The following PLCG2 variants were observed in gnomAD, a reference collection of about 807,000 sequenced individuals.
PLCG2 encodes the protein phospholipase C gamma 2, also known as 1-phosphatidylinositol 4,5-bisphosphate phosphodiesterase gamma-2.
In PLCG2, 69 loss-of-function variants were observed where a neutral mutation model predicts 175.6. The ratio of observed to expected loss-of-function variants is 0.39; its 90% confidence interval spans 0.32 to 0.48. The LOEUF (loss-of-function observed/expected upper bound fraction) is 0.48. Ranked by LOEUF, PLCG2 falls within the 20% of genes least tolerant of loss-of-function variation. PLCG2 has a pLI of 0.91. For missense variants in PLCG2, 1,798 were observed against 1,650.9 expected, an observed-to-expected ratio of 1.09 and a Z score of -1.54; for synonymous variants, 827 against 624.0, an observed-to-expected ratio of 1.33 and a Z score of -4.85.
intron 2 of PLCG2, among the ~76,000 whole-genome samples, chr16:81,824,445 T>C (rs991270674): frequency 6.6e-6 from 1 of 152,180 alleles, no homozygotes; most frequent in African/African-American, 2.4e-5. Context: ...CAGCCACTTA[T>C]TTTCTTGTGA....
At position 81,883,357 on chromosome 16, in the gene PLCG2, G is replaced by A; in HGVS notation, c.765+16G>A. 1.9e-6 allele frequency: 3 copies of A among 1,609,228 alleles called. No homozygotes were observed. The highest frequency in any genetic ancestry group is 1.1e-5 in the South Asian group (1 of 91,012). On this transcript the variant is annotated intron_variant, in intron 9 of 32. Transcript: ENST00000564138. ...TGAACAGCAGGTGAGAGCACAAGGTGTGTGGGTGCCTGAGGGAGCTGGCGG... is the reference window on the plus strand; with the variant it reads ...TGAACAGCAGGTGAGAGCACAAGGTATGTGGGTGCCTGAGGGAGCTGGCGG...
chr16:81,960,538 T>C lies in PLCG2; in HGVS notation c.*2540T>C, dbSNP rs1911744093. The C allele has an allele frequency of 4.3e-6, 1 of 231,656 alleles. No homozygotes were observed. Among genetic ancestry groups the C allele is most frequent in the East Asian group, 6.1e-5 (1 of 16,336 alleles). The allele number at this position is 231,656 out of a possible 1,614,324, so 14.4% of individuals were successfully genotyped here. A position where few individuals can be genotyped will look rare whatever the true frequency, so the allele number is the denominator to read the frequency against. ...TTGTGAGTTTGGGAAACTTAGGTTATAAAAACTAAATAAAGTTTTTCTACT... is the reference window on the plus strand; with the variant it reads ...TTGTGAGTTTGGGAAACTTAGGTTACAAAAACTAAATAAAGTTTTTCTACT... On this transcript the variant is annotated 3_prime_UTR_variant, in exon 33 of 33. Transcript: ENST00000564138.
At chr16:81,872,276 CGAGATTGCACT>C (rs1567509067) in intron 7 of PLCG2, among the ~76,000 whole-genome samples, 27 of 152,082 alleles carry the variant, frequency 1.8e-4, no homozygotes, top group Non-Finnish European at 4.4e-5. Context: ...TGCAGTGAGC[CGAGATTGCACT>C]ACTGCACTCC....
intron 2 of PLCG2, among the ~76,000 whole-genome samples, chr16:81,798,263 G>T (rs1597324366): frequency 6.6e-6 from 1 of 152,204 alleles, no homozygotes; most frequent in Non-Finnish European, 1.5e-5. Context: ...TCCCAGCCAT[G>T]CTGCCATATG....
chr16:81,751,328 A>G (rs923690556), intron 1 of PLCG2, among the ~76,000 whole-genome samples: 1 of 152,206 alleles, frequency 6.6e-6, no homozygotes, highest in Non-Finnish European at 1.5e-5. Context: ...TTGCGACAAC[A>G]TGGATAAAGA....
chr16:81,857,679 C>A (rs1161219457), intron 3 of PLCG2, among the ~76,000 whole-genome samples: 1 of 152,132 alleles, frequency 6.6e-6, no homozygotes, highest in Admixed American at 6.5e-5. Context: ...TCATGGAGGC[C>A]CCACTCTCAT....
upstream of PLCG2, among the ~76,000 whole-genome samples, chr16:81,777,168 A>G (rs923726194): frequency 6.6e-6 from 1 of 152,144 alleles, no homozygotes; most frequent in Non-Finnish European, 1.5e-5. Flanking sequence ...CTTGCTTCCC[A>G]CAGATGAGAG....
intron 18 of PLCG2, among the ~76,000 whole-genome samples, chr16:81,911,229 C>G (rs1909607578): frequency 6.6e-6 from 1 of 152,148 alleles, no homozygotes; most frequent in African/African-American, 2.4e-5. Context: ...TTACTTATAG[C>G]AACTTTTTTT....
In PLCG2 at chr16:81,919,496, G is replaced by A. The variant is rs1369861469; in HGVS notation, c.2067G>A (p.Lys689=). ...SYAITFRARG[K]VKHCRINRDG... Reference sequence around the variant, plus strand: ...CTTCCTGCTCCAGGGCTAGGGGCAAGGTAAAGCATTGTCGCATCAACCGGG... The same window carrying A: ...CTTCCTGCTCCAGGGCTAGGGGCAAAGTAAAGCATTGTCGCATCAACCGGG... Residue 689 remains lysine (K), a synonymous_variant, in exon 20 of 33, where the codon AAG becomes AAA. Transcript: ENST00000564138. 3 of 1,613,816 alleles carry A rather than the reference G, an allele frequency of 1.9e-6. No individual in the cohort carries two copies. Among genetic ancestry groups the A allele is most frequent in the Admixed American group, 3.3e-5 (2 of 59,998 alleles).
intron 5 of PLCG2, among the ~76,000 whole-genome samples, chr16:81,867,567 T>G (rs183253129): frequency 2.4e-4 from 37 of 151,736 alleles, no homozygotes; most frequent in African/African-American, 8.9e-4. Flanking sequence ...CAGGTGAATG[T>G]GCATATAAGG....
At chr16:81,941,492 C>T (rs1378383254) in intron 30 of PLCG2, among the ~76,000 whole-genome samples, 1 of 152,028 alleles carries the variant, frequency 6.6e-6, no homozygotes, top group Non-Finnish European at 1.5e-5. Context: ...CCTATCTTAC[C>T]ATTGAGGAAA....
At chr16:81,822,306 C>G (rs551900743) in intron 2 of PLCG2, among the ~76,000 whole-genome samples, 1 of 152,120 alleles carries the variant, frequency 6.6e-6, no homozygotes, top group East Asian at 1.9e-4. Context: ...TGATTGATGG[C>G]CCCCAGAGAT....
chr16:81,804,344 A>G (rs1396666036), intron 2 of PLCG2, among the ~76,000 whole-genome samples: 1 of 152,116 alleles, frequency 6.6e-6, no homozygotes, highest in Non-Finnish European at 1.5e-5. Flanking sequence ...TTCCTTCTAA[A>G]CATTGGCTTT....
At chr16:81,886,014 G>C in intron 9 of PLCG2, among the ~76,000 whole-genome samples, 1 of 152,204 alleles carries the variant, frequency 6.6e-6, no homozygotes, top group Non-Finnish European at 1.5e-5. Flanking sequence ...GTGCTAGAGT[G>C]AGGTAGAGAG....
chr16:81,813,330 G>A (rs1020797238), intron 2 of PLCG2, among the ~76,000 whole-genome samples: 10 of 152,098 alleles, frequency 6.6e-5, no homozygotes, highest in African/African-American at 2.4e-4. Flanking sequence ...ATTTATTTGT[G>A]TCCTCTCTTA....
intron 31 of PLCG2, among the ~76,000 whole-genome samples, chr16:81,956,387 T>C (rs990771988): frequency 3.9e-5 from 6 of 152,178 alleles, no homozygotes; most frequent in Admixed American, 2.6e-4. Context: ...AGGTGACATG[T>C]AGACCAAAGG....
At chr16:81,753,910 G>T (rs1447064273) in intron 1 of PLCG2, among the ~76,000 whole-genome samples, 5 of 152,144 alleles carry the variant, frequency 3.3e-5, no homozygotes, top group South Asian at 2.1e-4. Context: ...CCCCATCCCT[G>T]GGCCAACAGC....
At chr16:81,917,065 C>T (rs919663778) in intron 19 of PLCG2, among the ~76,000 whole-genome samples, 8 of 152,128 alleles carry the variant, frequency 5.3e-5, no homozygotes, top group African/African-American at 1.7e-4. Context: ...CCCCCTGCCC[C>T]GGACCCTGGT....
chr16:81,886,278 A>G (rs1325679887), intron 9 of PLCG2, among the ~76,000 whole-genome samples: 1 of 152,176 alleles, frequency 6.6e-6, no homozygotes, highest in East Asian at 1.9e-4. Flanking sequence ...GCCAGGAGAA[A>G]GTGTAGGAAA....
Sources: gnomAD v4.1 joint callset for allele counts (sites outside exome capture counted in the v4.1 genomes callset) on GRCh38, gnomAD v4.1.1 for gene constraint, MANE v1.5 for transcripts, NCBI Gene and HGNC (gene_info 2026-07-23, HGNC 2026-07-21) for gene names.